EBF1: variants seen among roughly 807,000 people sequenced by gnomAD.
EBF1 encodes the protein EBF transcription factor 1.
In EBF1, 10 loss-of-function variants were observed where a neutral mutation model predicts 68.4. The ratio of observed to expected loss-of-function variants is 0.15; its 90% CI spans 0.09 to 0.25. The LOEUF (loss-of-function observed/expected upper bound fraction) is 0.25, where lower values mean the gene tolerates loss of function less well. EBF1 is among the 10% of genes least tolerant of loss of function. EBF1 has a pLI of 1.00. For missense variants in EBF1, 509 were observed against 794.4 expected, an observed-to-expected ratio of 0.64 and a Z score of 4.32; for synonymous variants, 298 against 299.8, an observed-to-expected ratio of 0.99 and a Z score of 0.06.
At chr5:158,760,576 C>CCCACTCT (rs1771200071) in intron 10 of EBF1, among the ~76,000 whole-genome samples, 1 of 152,032 alleles carries the variant, frequency 6.6e-6, no homozygotes, top group Non-Finnish European at 1.5e-5. Context: ...TATTGCAGGT[C>CCCACTCT]CCACTCTCCC....
chr5:159,086,688 A>T lies in EBF1; in HGVS notation c.412-1949T>A, dbSNP rs577998334. On this transcript the variant is annotated intron_variant, in intron 4 of 15. Transcript: ENST00000313708. ...ACTATTGGCAACATAAATTCTGACC[A>T]TTTGGTTAAGGTAGTGCTTGCTATC... 1.4e-4 allele frequency among the ~76,000 whole-genome samples: 22 copies of T among 152,230 alleles called. 1 individual carries two copies. The South Asian group carries it at 4.6e-3, about 32-fold the overall frequency.
rs142315160 is a variant in EBF1, at chr5:158,723,627, C to T, written c.1125+7442G>A. Among the ~76,000 whole-genome samples the T allele has an allele frequency of 5.5e-3, 838 of 152,100 alleles. 3 individuals are homozygous for T. The highest frequency in any genetic ancestry group is 0.023 in the East Asian group (121 of 5,176). On this transcript the variant is annotated intron_variant, in intron 11 of 15. Transcript: ENST00000313708. ...CCTATTTTCAAAACTCTATAAAAGA[C>T]TCTAAATGGATTACTGGTTAGGAAG... is the stretch of plus-strand genomic sequence containing the variant.
At chr5:159,061,773 G>A (rs1293224926) in intron 6 of EBF1, among the ~76,000 whole-genome samples, 5 of 151,946 alleles carry the variant, frequency 3.3e-5, no homozygotes, top group Admixed American at 2.6e-4. Flanking sequence ...AATAGCCGCG[G>A]AGGAATCTAA....
intron 6 of EBF1, among the ~76,000 whole-genome samples, chr5:158,993,937 G>A (rs1294222720): frequency 6.6e-6 from 1 of 152,222 alleles, no homozygotes; most frequent in African/African-American, 2.4e-5. Flanking sequence ...AAATAGGCAG[G>A]CAGACAAGGA....
chr5:158,728,740 T>C (rs962146715), intron 11 of EBF1, among the ~76,000 whole-genome samples: 1 of 152,126 alleles, frequency 6.6e-6, no homozygotes, highest in African/African-American at 2.4e-5. Flanking sequence ...ACGTTTTTTT[T>C]AGTTTGTAGA....
At chr5:158,711,483 C>A (rs546366295) in intron 14 of EBF1, among the ~76,000 whole-genome samples, 1 of 152,274 alleles carries the variant, frequency 6.6e-6, no homozygotes, top group Non-Finnish European at 1.5e-5. Flanking sequence ...TCTCACAACA[C>A]TGGATGGGGT....
intron 6 of EBF1, among the ~76,000 whole-genome samples, chr5:158,990,541 C>T (rs1004520542): frequency 6.6e-6 from 1 of 152,046 alleles, no homozygotes; most frequent in Non-Finnish European, 1.5e-5. Flanking sequence ...TCATACAATC[C>T]CAGAAAATAA....
chr5:159,040,019 G>A (rs1318205720), intron 6 of EBF1, among the ~76,000 whole-genome samples: 2 of 152,178 alleles, frequency 1.3e-5, no homozygotes, highest in African/African-American at 2.4e-5. Flanking sequence ...CTAAAGCACT[G>A]TGAATTTCTT....
chr5:158,790,068 C>T (rs1025238426), intron 9 of EBF1, among the ~76,000 whole-genome samples: 4 of 152,192 alleles, frequency 2.6e-5, no homozygotes, highest in Non-Finnish European at 5.9e-5. Flanking sequence ...TGACTTCATG[C>T]CCCGTGTCTG....
intron 6 of EBF1, among the ~76,000 whole-genome samples, chr5:158,869,421 T>C (rs1796473398): frequency 6.6e-6 from 1 of 152,190 alleles, no homozygotes; most frequent in South Asian, 2.1e-4. Flanking sequence ...CCATTCAGTC[T>C]GTGGGGTCAC....
chr5:158,880,097 C>T (rs1328653877), intron 6 of EBF1, among the ~76,000 whole-genome samples: 1 of 152,218 alleles, frequency 6.6e-6, no homozygotes, highest in Non-Finnish European at 1.5e-5. Flanking sequence ...GCCTTGTGCA[C>T]TTCGCAAATC....
chr5:158,813,238 T>G (rs2127804458), intron 8 of EBF1, among the ~76,000 whole-genome samples: 1 of 152,282 alleles, frequency 6.6e-6, no homozygotes, highest in East Asian at 1.9e-4. Context: ...AAGTTGGAGT[T>G]ATTGTTTTGT....
chr5:158,824,661 G>A (rs1785641483), intron 7 of EBF1, among the ~76,000 whole-genome samples: 2 of 152,200 alleles, frequency 1.3e-5, no homozygotes, highest in Admixed American at 6.5e-5. Context: ...TCTCCAAGTT[G>A]GCTGAAGGGG....
intron 10 of EBF1, among the ~76,000 whole-genome samples, chr5:158,764,149 G>T (rs1772126902): frequency 6.6e-6 from 1 of 152,112 alleles, no homozygotes; most frequent in Non-Finnish European, 1.5e-5. Flanking sequence ...TAAGAAACTG[G>T]CAAGAATTTG....
intron 11 of EBF1, among the ~76,000 whole-genome samples, chr5:158,726,564 C>T (rs888531388): frequency 6.6e-6 from 1 of 152,200 alleles, no homozygotes; most frequent in Non-Finnish European, 1.5e-5. Context: ...AAGCAAAATA[C>T]ACAAATGCAG....
chr5:158,897,240 A>G (rs1802351428), intron 6 of EBF1, among the ~76,000 whole-genome samples: 1 of 152,222 alleles, frequency 6.6e-6, no homozygotes, highest in African/African-American at 2.4e-5. Flanking sequence ...TGCAGCTATA[A>G]AAAGAAAGAG....
intron 6 of EBF1, among the ~76,000 whole-genome samples, chr5:158,873,299 T>C (rs749486957): frequency 6.6e-6 from 1 of 152,172 alleles, no homozygotes; most frequent in African/African-American, 2.4e-5. Flanking sequence ...CATCTTAGAT[T>C]CTACATCCTC....
intron 11 of EBF1, among the ~76,000 whole-genome samples, chr5:158,715,163 T>C (rs1581249315): frequency 6.6e-6 from 1 of 152,120 alleles, no homozygotes; most frequent in Admixed American, 6.5e-5. Context: ...AACGTAAGGG[T>C]GTGGTAGGAT....
At chr5:158,731,308 T>G in intron 10 of EBF1, 151 bp from the exon 11 acceptor site, 1 of 788,848 alleles carries the variant, frequency 1.3e-6, no homozygotes, top group South Asian at 1.8e-5. Context: ...AATGATCTCT[T>G]GGCTAAACTT....
Sources: gnomAD v4.1 joint callset for allele counts (sites outside exome capture counted in the v4.1 genomes callset) on GRCh38, gnomAD v4.1.1 for gene constraint, MANE v1.5 for transcripts, NCBI Gene and HGNC (gene_info 2026-07-23, HGNC 2026-07-21) for gene names.